The following PPP2R2B variants were observed in gnomAD, a reference collection of about 807,000 sequenced individuals.
The protein encoded by PPP2R2B is protein phosphatase 2 regulatory subunit Bbeta, also known as serine/threonine-protein phosphatase 2A 55 kDa regulatory subunit B beta isoform.
Under a neutral mutation model 46.0 loss-of-function variants are expected in PPP2R2B, and 5 were observed. The observed-to-expected ratio is 0.11, with a 90% confidence interval of 0.06 to 0.23. PPP2R2B has a LOEUF of 0.23. Ranked by LOEUF, PPP2R2B falls within the 10% of genes least tolerant of loss-of-function variation. The pLI is 1.00. For synonymous variants in PPP2R2B, 215 were observed against 206.7 expected, an observed-to-expected ratio of 1.04 and a Z score of -0.34; for missense variants, 367 against 575.0, an observed-to-expected ratio of 0.64 and a Z score of 3.70.
chr5:146,882,148 G>A (rs373844035), upstream of PPP2R2B, among the ~76,000 whole-genome samples: 268 of 151,896 alleles, frequency 1.8e-3, 1 homozygote, highest in African/African-American at 5.7e-3. Context: ...ATGGTGGCAC[G>A]CGCCTGTAGT....
intron 7 of PPP2R2B, among the ~76,000 whole-genome samples, chr5:146,625,548 G>T (rs1026285677): frequency 6.6e-6 from 1 of 152,142 alleles, no homozygotes; most frequent in South Asian, 2.1e-4. Context: ...CATCTAGTGA[G>T]AGAGACCAAA....
chr5:146,979,864 A>G (rs944509776), intron 1 of PPP2R2B, among the ~76,000 whole-genome samples: 5 of 152,132 alleles, frequency 3.3e-5, no homozygotes. Context: ...ATTGTACCCT[A>G]CTCACCTATT....
chr5:146,824,058 C>G (rs547719756), intron 2 of PPP2R2B, among the ~76,000 whole-genome samples: 2 of 152,320 alleles, frequency 1.3e-5, no homozygotes, highest in South Asian at 4.1e-4. Context: ...ATCTTCTTCA[C>G]TTATAAGCAG....
chr5:147,075,561 C>T (rs562396998), intron 2 of PPP2R2B, among the ~76,000 whole-genome samples: 3 of 152,038 alleles, frequency 2.0e-5, no homozygotes, highest in African/African-American at 7.2e-5. Flanking sequence ...GATGTTTATA[C>T]CTTTGTACCT....
intron 1 of PPP2R2B, among the ~76,000 whole-genome samples, chr5:147,016,134 G>C (rs936758516): frequency 6.6e-6 from 1 of 151,472 alleles, no homozygotes; most frequent in Admixed American, 6.6e-5. Flanking sequence ...CCAGGAGTTC[G>C]AGACCAGCCT....
intron 5 of PPP2R2B, among the ~76,000 whole-genome samples, chr5:146,654,547 A>G (rs1457614659): frequency 6.6e-6 from 1 of 152,170 alleles, no homozygotes; most frequent in African/African-American, 2.4e-5. Flanking sequence ...TTCCTAGGAC[A>G]TCATCTGTGT....
At chr5:146,776,516 C>T (rs1755192026) in intron 2 of PPP2R2B, among the ~76,000 whole-genome samples, 1 of 152,050 alleles carries the variant, frequency 6.6e-6, no homozygotes, top group African/African-American at 2.4e-5. Flanking sequence ...AAACTACAAA[C>T]TTCAATTTAA....
At chr5:146,653,579 G>T (rs1776127427) in intron 5 of PPP2R2B, among the ~76,000 whole-genome samples, 1 of 152,134 alleles carries the variant, frequency 6.6e-6, no homozygotes, top group Non-Finnish European at 1.5e-5. Flanking sequence ...ACTTCCTGTG[G>T]CTCCTCCTAA....
At chr5:146,739,829 C>T (rs1030707578) in intron 2 of PPP2R2B, among the ~76,000 whole-genome samples, 1 of 152,146 alleles carries the variant, frequency 6.6e-6, no homozygotes, top group African/African-American at 2.4e-5. Context: ...GCAGTGTCTG[C>T]TACATACTTG....
At chr5:146,863,583 C>T (rs908144808) in intron 2 of PPP2R2B, among the ~76,000 whole-genome samples, 5 of 152,108 alleles carry the variant, frequency 3.3e-5, no homozygotes, top group African/African-American at 9.7e-5. Flanking sequence ...GAGAAGGCAA[C>T]TGGGTCACCT....
At chr5:146,644,481 A>G (rs535460113) in intron 6 of PPP2R2B, among the ~76,000 whole-genome samples, 1 of 152,244 alleles carries the variant, frequency 6.6e-6, no homozygotes, top group Non-Finnish European at 1.5e-5. Flanking sequence ...TATTAAACAA[A>G]GAAAACAATA....
At chr5:147,073,496 A>C (rs1019166893) in intron 2 of PPP2R2B, among the ~76,000 whole-genome samples, 3 of 151,040 alleles carry the variant, frequency 2.0e-5, no homozygotes, top group Admixed American at 6.6e-5. Context: ...ATCCCCCTGT[A>C]GCCTACTAGG....
At chr5:146,919,131 G>A (rs1258667627) in intron 1 of PPP2R2B, among the ~76,000 whole-genome samples, 3 of 152,164 alleles carry the variant, frequency 2.0e-5, no homozygotes, top group South Asian at 2.1e-4. Context: ...ATTAGCATAT[G>A]GTGAAGCCAA....
intron 1 of PPP2R2B, among the ~76,000 whole-genome samples, chr5:147,018,390 T>C (rs945806020): frequency 1.4e-4 from 22 of 152,136 alleles, no homozygotes; most frequent in Admixed American, 9.2e-4. Flanking sequence ...TCAGGAGGGA[T>C]AGTTGGACTC....
intron 7 of PPP2R2B, among the ~76,000 whole-genome samples, chr5:146,608,612 T>C (rs1443115731): frequency 6.6e-6 from 1 of 152,132 alleles, no homozygotes; most frequent in East Asian, 1.9e-4. Flanking sequence ...CTGGCCAATA[T>C]GGTGAAACCC....
intron 7 of PPP2R2B, among the ~76,000 whole-genome samples, chr5:146,624,654 G>A (rs1237673704): frequency 6.6e-6 from 1 of 152,102 alleles, no homozygotes; most frequent in East Asian, 1.9e-4. Context: ...TTTACACCAA[G>A]CCCTCCTGGA....
intron 8 of PPP2R2B, among the ~76,000 whole-genome samples, chr5:146,598,324 A>C (rs1446549520): frequency 2.0e-5 from 3 of 152,150 alleles, no homozygotes; most frequent in Non-Finnish European, 4.4e-5. Context: ...CACTCCTCTC[A>C]TCTCACTGGC....
intron 7 of PPP2R2B, among the ~76,000 whole-genome samples, chr5:146,624,353 T>G (rs116063463): frequency 2.0e-3 from 305 of 152,324 alleles, no homozygotes; most frequent in Non-Finnish European, 3.7e-3. Flanking sequence ...TTCATCTAGG[T>G]GTGTGCTCAG....
intron 2 of PPP2R2B, among the ~76,000 whole-genome samples, chr5:146,863,221 A>G (rs1470638226): frequency 6.6e-6 from 1 of 152,168 alleles, no homozygotes; most frequent in Non-Finnish European, 1.5e-5. Context: ...CTTCTAAAAC[A>G]TAGTATGTCA....
Sources: gnomAD v4.1 joint callset for allele counts (sites outside exome capture counted in the v4.1 genomes callset) on GRCh38, gnomAD v4.1.1 for gene constraint, MANE v1.5 for transcripts, NCBI Gene and HGNC (gene_info 2026-07-23, HGNC 2026-07-21) for gene names.